SLC18A1: variants seen among roughly 807,000 people sequenced by gnomAD.
SLC18A1 encodes the protein solute carrier family 18 member A1, also known as chromaffin granule amine transporter.
A neutral mutation model predicts 53.7 loss-of-function variants in SLC18A1; 69 were observed. That is an observed-to-expected ratio of 1.28 (90% CI 1.06 to 1.57). The LOEUF is 1.57. SLC18A1 is among the 40% of genes most tolerant of loss of function. The probability of loss-of-function intolerance (pLI) is 0.00; values close to 1 mark genes in which losing one functional copy is unlikely to be tolerated. For synonymous variants in SLC18A1, 320 were observed against 248.1 expected (o/e 1.29, Z -2.72); for missense variants, 932 against 668.1 (o/e 1.40, Z -4.35).
intron 10 of SLC18A1, among the ~76,000 whole-genome samples, chr8:20,161,127 C>T (rs1182316135): frequency 1.3e-5 from 2 of 152,076 alleles, no homozygotes; most frequent in Admixed American, 6.6e-5. Flanking sequence ...TCAATCCATC[C>T]CAATAGTTTC....
intron 1 of SLC18A1, among the ~76,000 whole-genome samples, chr8:20,182,174 G>T (rs945642651): frequency 6.6e-6 from 1 of 152,018 alleles, no homozygotes; most frequent in Non-Finnish European, 1.5e-5. Context: ...CCTAAAAATT[G>T]TATACTCTTT....
intron 10 of SLC18A1, among the ~76,000 whole-genome samples, chr8:20,163,799 C>T (rs543930147): frequency 6.6e-6 from 1 of 152,210 alleles, no homozygotes; most frequent in Admixed American, 6.5e-5. Context: ...ATTGAGAAAG[C>T]TGTAAAAGAT....
intron 8 of SLC18A1, among the ~76,000 whole-genome samples, chr8:20,169,716 TA>T (rs937699835): frequency 6.6e-6 from 1 of 152,024 alleles, no homozygotes; most frequent in African/African-American, 2.4e-5. Context: ...CTGTCTCTAC[TA>T]AAAACATAAA....
chr8:20,182,570 A>G (rs2072456662), intron 1 of SLC18A1, among the ~76,000 whole-genome samples: 1 of 152,200 alleles, frequency 6.6e-6, no homozygotes, highest in Non-Finnish European at 1.5e-5. Flanking sequence ...TACTTTTGTA[A>G]TTAAAGAAGT....
intron 8 of SLC18A1, among the ~76,000 whole-genome samples, chr8:20,170,459 G>A (rs2072084109): frequency 6.6e-6 from 1 of 152,182 alleles, no homozygotes; most frequent in Non-Finnish European, 1.5e-5. Flanking sequence ...GCTGTGGAAT[G>A]CAAAGTCAAG....
intron 10 of SLC18A1, among the ~76,000 whole-genome samples, chr8:20,160,415 G>A (rs1298034247): frequency 6.6e-6 from 1 of 150,986 alleles, no homozygotes; most frequent in East Asian, 1.9e-4. Flanking sequence ...GCAGTATTTT[G>A]TGCAAAATAG....
chr8:20,152,351 T>A (rs888209301), intron 10 of SLC18A1, among the ~76,000 whole-genome samples: 3 of 152,092 alleles, frequency 2.0e-5, no homozygotes, highest in Non-Finnish European at 4.4e-5. Flanking sequence ...GAAGAATGGG[T>A]TCATGGGACA....
chr8:20,181,002 T>A lies in SLC18A1; in HGVS notation c.-38A>T. 1.3e-6 allele frequency: 2 copies of A among 1,547,960 alleles called. No individual in the cohort carries two copies. The highest frequency in any genetic ancestry group is 1.7e-6 in the Non-Finnish European group (2 of 1,144,678). On this transcript the variant is annotated 5_prime_UTR_variant, in exon 2 of 16. Coordinates refer to ENST00000276373, the MANE Select transcript of SLC18A1 (RefSeq NM_003053.4). ...ACTGGGGCAGTCTTCCCCTGCGGGC[T>A]CTTAGGGAAGGTCCTGTGACAGCTA...
chr8:20,173,071 C>A lies in SLC18A1; in HGVS notation c.689G>T (p.Gly230Val), dbSNP rs1251673814. Residue 230 changes from glycine (G) to valine (V), a missense_variant, in exon 6 of 16, where the codon GGA becomes GTA. Gly to Val is a moderately radical substitution (Grantham distance 109). Transcript: ENST00000276373. ...TDDHERGRAM[G>V]TALGGLALGL... ...CAAGGCCAGGCCCCCCAGAGCAGTTCCCATGGCTCGTCCTCTCTCATGGTC... is the reference window on the plus strand; with the variant it reads ...CAAGGCCAGGCCCCCCAGAGCAGTTACCATGGCTCGTCCTCTCTCATGGTC... 2 of 1,586,448 alleles carry A rather than the reference C, an allele frequency of 1.3e-6. No individual in the cohort carries two copies. Among genetic ancestry groups the A allele is most frequent in the South Asian group, 1.1e-5 (1 of 87,042 alleles).
At position 20,150,728 on chromosome 8, in the gene SLC18A1, A is replaced by C; in HGVS notation, c.1032T>G (p.Pro344=). ...PKWQLGLAFL[P]ASVSYLIGTN... Reference sequence around the variant, plus strand: ...TGCCAATGAGGTAGGACACACTGGCAGGCAAGAAAGCTAGACCTGTGGAAG... The same window carrying C: ...TGCCAATGAGGTAGGACACACTGGCCGGCAAGAAAGCTAGACCTGTGGAAG... The change falls in exon 11 of 16, where the codon CCT becomes CCG. Residue 344 remains proline, a synonymous_variant. Transcript: ENST00000276373. The C allele has an allele frequency of 6.2e-7, 1 of 1,614,166 alleles. No homozygotes were observed. The highest frequency in any genetic ancestry group is 8.5e-7 in the Non-Finnish European group (1 of 1,179,980).
chr8:20,147,887 T>C (rs981747212), intron 13 of SLC18A1, 120 bp downstream of exon 13: 1 of 1,432,428 alleles, frequency 7.0e-7, no homozygotes, highest in African/African-American at 1.4e-5. Context: ...CCCTGCCAGC[T>C]GCCCTCCTGA....
chr8:20,173,162 T>C (rs1585220116), intron 5 of SLC18A1, 34 bp from the exon 6 acceptor site: 4 of 1,503,132 alleles, frequency 2.7e-6, no homozygotes, highest in Non-Finnish European at 3.6e-6. Flanking sequence ...GCTGGCCCCC[T>C]GGGGGGCTTC....
chr8:20,150,612 G>A, intron 11 of SLC18A1, 54 bp downstream of exon 11: 1 of 1,435,336 alleles, frequency 7.0e-7, no homozygotes, highest in South Asian at 1.1e-5. Context: ...TCAGGAACGG[G>A]CGCTCTTCCA....
At position 20,174,553 on chromosome 8, in the gene SLC18A1, T is replaced by C. The variant is rs1293857575; in HGVS notation, c.548-109A>G. The C allele has an allele frequency of 4.2e-6, 3 of 706,096 alleles. No individual in the cohort carries two copies. The Admixed American group carries it at 6.4e-5, about 15-fold the overall frequency. The allele number at this position is 706,096 out of a possible 1,614,324, so 43.7% of individuals were successfully genotyped here. On this transcript the variant is annotated intron_variant, in intron 4 of 15. Coordinates refer to ENST00000276373, the MANE Select transcript of SLC18A1 (RefSeq NM_003053.4). ...GCAGATATGAGTCTTGATGCATATG[T>C]TTTTAATAAAGCATGATGACTGTTC...
intron 6 of SLC18A1, among the ~76,000 whole-genome samples, chr8:20,171,821 A>G (rs1032966099): frequency 3.0e-4 from 46 of 152,228 alleles, no homozygotes; most frequent in African/African-American, 1.0e-3. Context: ...TCAATGTCTC[A>G]GGAATTTCAG....
intron 8 of SLC18A1, among the ~76,000 whole-genome samples, chr8:20,166,624 A>T (rs2071974266): frequency 6.6e-6 from 1 of 151,676 alleles, no homozygotes; most frequent in Admixed American, 6.6e-5. Flanking sequence ...TTCTGAGTAC[A>T]CCTTTTGGAA....
intron 10 of SLC18A1, among the ~76,000 whole-genome samples, chr8:20,162,414 C>T (rs2071853272): frequency 6.6e-6 from 1 of 152,204 alleles, no homozygotes; most frequent in African/African-American, 2.4e-5. Context: ...GGCCAGGCAG[C>T]AAATTTTCCA....
intron 8 of SLC18A1, among the ~76,000 whole-genome samples, chr8:20,166,897 C>T (rs1367334902): frequency 1.3e-5 from 2 of 152,056 alleles, no homozygotes; most frequent in African/African-American, 4.8e-5. Context: ...TGCATGCACA[C>T]TGAGTAAAGG....
At chr8:20,161,777 C>G (rs928516182) in intron 10 of SLC18A1, among the ~76,000 whole-genome samples, 3 of 152,142 alleles carry the variant, frequency 2.0e-5, no homozygotes, top group Admixed American at 1.3e-4. Flanking sequence ...GACTCCATGT[C>G]CAAAATCCTG....
Sources: allele counts gnomAD v4.1 joint callset (sites outside exome capture counted in the v4.1 genomes callset), GRCh38; gene constraint gnomAD v4.1.1; transcripts MANE v1.5; gene names NCBI Gene and HGNC (gene_info 2026-07-23, HGNC 2026-07-21).